Variants in CSMD1 observed in about 807,000 individuals in gnomAD.
CSMD1 encodes the protein CUB and sushi domain-containing protein 1.
CSMD1 carries 213 observed loss-of-function variants against 417.5 expected under a neutral mutation model. The ratio of observed to expected loss-of-function variants is 0.51; its 90% CI spans 0.46 to 0.57. CSMD1 has a LOEUF of 0.57. CSMD1 is among the 20% of genes least tolerant of loss of function. CSMD1 has a pLI of 0.00. For synonymous variants in CSMD1, 2,862 were observed against 1,736.8 expected, an observed-to-expected ratio of 1.65 and a Z score of -16.11; for missense variants, 6,923 against 4,529.7, an observed-to-expected ratio of 1.53 and a Z score of -15.17.
At chr8:3,036,962 T>G (rs1384992349) in intron 50 of CSMD1, among the ~76,000 whole-genome samples, 1 of 152,170 alleles carries the variant, frequency 6.6e-6, no homozygotes, top group Non-Finnish European at 1.5e-5. Flanking sequence ...CTTTTATCCC[T>G]CACCCATCTT....
intron 48 of CSMD1, among the ~76,000 whole-genome samples, chr8:3,087,917 A>C (rs1814659240): frequency 6.6e-6 from 1 of 152,252 alleles, no homozygotes; most frequent in East Asian, 1.9e-4. Flanking sequence ...AGTGTTGTTA[A>C]AACAGAGAAA....
chr8:3,621,349 G>C (rs1014433097), intron 7 of CSMD1, among the ~76,000 whole-genome samples: 1 of 152,086 alleles, frequency 6.6e-6, no homozygotes, highest in Non-Finnish European at 1.5e-5. Flanking sequence ...CTCACTTTAG[G>C]CGTAAGGACA....
intron 2 of CSMD1, among the ~76,000 whole-genome samples, chr8:4,455,539 C>A (rs951104784): frequency 6.6e-6 from 1 of 152,074 alleles, no homozygotes; most frequent in Admixed American, 6.6e-5. Context: ...ACATCATGGG[C>A]CTCACTTTAT....
intron 49 of CSMD1, among the ~76,000 whole-genome samples, chr8:3,067,977 G>A (rs1036519161): frequency 5.9e-5 from 9 of 152,100 alleles, no homozygotes; most frequent in African/African-American, 2.2e-4. Context: ...TCTGAAGTGT[G>A]TGTTCCTTCC....
intron 3 of CSMD1, among the ~76,000 whole-genome samples, chr8:4,171,652 T>C (rs572903456): frequency 4.0e-5 from 6 of 150,104 alleles, no homozygotes; most frequent in East Asian, 1.9e-4. Flanking sequence ...CCTGTTTTTT[T>C]CCCAATGCAG....
chr8:4,369,667 G>A (rs1182767709), intron 3 of CSMD1, among the ~76,000 whole-genome samples: 1 of 152,124 alleles, frequency 6.6e-6, no homozygotes, highest in East Asian at 1.9e-4. Context: ...TCTTCTTGTT[G>A]AGTTGAGCCC....
chr8:3,498,760 T>C (rs1180153536), intron 10 of CSMD1, among the ~76,000 whole-genome samples: 1 of 152,184 alleles, frequency 6.6e-6, no homozygotes, highest in African/African-American at 2.4e-5. Flanking sequence ...TCTTTTTTCA[T>C]CTTGATCTAG....
At chr8:4,290,733 C>T (rs1016274948) in intron 3 of CSMD1, among the ~76,000 whole-genome samples, 1 of 152,222 alleles carries the variant, frequency 6.6e-6, no homozygotes, top group African/African-American at 2.4e-5. Context: ...TTAACTTTAT[C>T]TCCCTATCTG....
intron 5 of CSMD1, among the ~76,000 whole-genome samples, chr8:3,758,136 G>C (rs972306225): frequency 2.0e-5 from 3 of 151,962 alleles, no homozygotes; most frequent in African/African-American, 7.2e-5. Context: ...GCTAATTTTT[G>C]TATATTTAGT....
At chr8:4,602,501 G>C (rs563719376) in intron 2 of CSMD1, among the ~76,000 whole-genome samples, 1 of 152,096 alleles carries the variant, frequency 6.6e-6, no homozygotes, top group African/African-American at 2.4e-5. Flanking sequence ...TCTCAGGTAC[G>C]CATACAATAA....
chr8:3,963,740 G>T (rs959391548), intron 5 of CSMD1, among the ~76,000 whole-genome samples: 7 of 152,102 alleles, frequency 4.6e-5, no homozygotes, highest in Non-Finnish European at 8.8e-5. Context: ...CAAAACAAAA[G>T]CTATATGAAT....
chr8:3,176,864 G>A (rs537462272), intron 37 of CSMD1, among the ~76,000 whole-genome samples: 1 of 150,702 alleles, frequency 6.6e-6, no homozygotes, highest in Non-Finnish European at 1.5e-5. Context: ...CTGTAGCCTC[G>A]GCCTCCTGGG....
chr8:4,106,472 T>C (rs548072950), intron 3 of CSMD1, among the ~76,000 whole-genome samples: 20 of 152,322 alleles, frequency 1.3e-4, no homozygotes, highest in Non-Finnish European at 1.6e-4. Context: ...TCATTCTCTC[T>C]GCATTGCTCT....
chr8:4,450,364 A>T (rs1468225432), intron 2 of CSMD1, among the ~76,000 whole-genome samples: 2 of 152,114 alleles, frequency 1.3e-5, no homozygotes, highest in African/African-American at 4.8e-5. Flanking sequence ...GTGGTGGCTC[A>T]CACCTGTAAT....
chr8:4,205,770 G>A (rs1799943744), intron 3 of CSMD1, among the ~76,000 whole-genome samples: 1 of 151,982 alleles, frequency 6.6e-6, no homozygotes, highest in Admixed American at 6.6e-5. Context: ...TTGGGCCATA[G>A]AAGAAATAGA....
chr8:4,108,009 CAGAA>C (rs1563133432), intron 3 of CSMD1, among the ~76,000 whole-genome samples: 1 of 150,874 alleles, frequency 6.6e-6, no homozygotes. Context: ...AAGGGAAAGA[CAGAA>C]AGACTGCAGG....
chr8:4,917,505 G>C (rs965054459), intron 1 of CSMD1, among the ~76,000 whole-genome samples: 1 of 152,098 alleles, frequency 6.6e-6, no homozygotes, highest in Non-Finnish European at 1.5e-5. Flanking sequence ...ATGGTGGCGG[G>C]TGCCTGTACT....
chr8:3,689,091 T>C (rs180967408), intron 7 of CSMD1, among the ~76,000 whole-genome samples: 7 of 152,302 alleles, frequency 4.6e-5, no homozygotes, highest in Non-Finnish European at 2.9e-5. Context: ...CAACTCATCA[T>C]AAAATGAGAA....
chr8:3,920,992 T>G (rs1809213335), intron 5 of CSMD1, among the ~76,000 whole-genome samples: 1 of 152,166 alleles, frequency 6.6e-6, no homozygotes, highest in Non-Finnish European at 1.5e-5. Context: ...ATAAAATAAG[T>G]TTGAAAATGT....
Sources: gnomAD v4.1 joint callset for allele counts (sites outside exome capture counted in the v4.1 genomes callset) on GRCh38, gnomAD v4.1.1 for gene constraint, MANE v1.5 for transcripts, NCBI Gene and HGNC (gene_info 2026-07-23, HGNC 2026-07-21) for gene names.